The following PIP5K1A variants were observed in gnomAD, a reference collection of about 807,000 sequenced individuals.
PIP5K1A encodes the protein phosphatidylinositol 4-phosphate 5-kinase type-1 alpha.
A neutral mutation model predicts 72.9 loss-of-function variants in PIP5K1A; 46 were observed. That is an observed-to-expected ratio of 0.63 (90% CI 0.50 to 0.81). The LOEUF (loss-of-function observed/expected upper bound fraction) is 0.81. PIP5K1A is among the 30% of genes least tolerant of loss of function. The pLI is 0.00. For synonymous variants in PIP5K1A, 228 were observed against 255.1 expected (o/e 0.89, Z 1.01); for missense variants, 458 against 706.1 (o/e 0.65, Z 3.98).
At chr1:151,199,275 G>A in intron 1 of PIP5K1A, 194 bp downstream of exon 1, 2 of 1,171,740 alleles carry the variant, frequency 1.7e-6, no homozygotes, top group South Asian at 1.6e-5. Context: ...AGAAGTTGTC[G>A]AAAACTTTGG....
chr1:151,216,314 A>ACTCCAGC (rs1377817214), intron 1 of PIP5K1A, among the ~76,000 whole-genome samples: 3 of 148,188 alleles, frequency 2.0e-5, no homozygotes, highest in African/African-American at 5.0e-5. Flanking sequence ...GTGCCACTGC[A>ACTCCAGC]CTCCAGCCTG....
intron 14 of PIP5K1A, among the ~76,000 whole-genome samples, chr1:151,243,892 ACT>A (rs1692113373): frequency 6.6e-6 from 1 of 152,048 alleles, no homozygotes; most frequent in African/African-American, 2.4e-5. Flanking sequence ...CTTCTTACAG[ACT>A]CTGTTTTTCG....
chr1:151,218,229 C>G (rs1216673257), intron 1 of PIP5K1A, among the ~76,000 whole-genome samples: 1 of 152,168 alleles, frequency 6.6e-6, no homozygotes, highest in East Asian at 1.9e-4. Context: ...TTGCCTAATT[C>G]AGAACAAAGG....
At chr1:151,196,263 A>G (rs1684553509), upstream of PIP5K1A, among the ~76,000 whole-genome samples, 1 of 152,110 alleles carries the variant, frequency 6.6e-6, no homozygotes, top group Non-Finnish European at 1.5e-5. Context: ...GAAAACAAGG[A>G]TAATTTATTC....
chr1:151,215,932 A>G, intron 1 of PIP5K1A: 1 of 1,274,370 alleles, frequency 7.8e-7, no homozygotes, highest in Non-Finnish European at 1.0e-6. Context: ...CCCCAGGAGT[A>G]AGGGGTAACT....
chr1:151,202,410 A>G (rs1402531195), intron 1 of PIP5K1A, among the ~76,000 whole-genome samples: 1 of 152,194 alleles, frequency 6.6e-6, no homozygotes, highest in Non-Finnish European at 1.5e-5. Flanking sequence ...TGTTCCTGCC[A>G]ACTTCCTAAT....
intron 1 of PIP5K1A, among the ~76,000 whole-genome samples, chr1:151,205,978 A>T (rs1455480253): frequency 6.6e-6 from 1 of 152,106 alleles, no homozygotes; most frequent in African/African-American, 2.4e-5. Context: ...TGAATGAAAC[A>T]CCGATGGTGT....
At chr1:151,225,647 T>C (rs1689013294) in intron 3 of PIP5K1A, among the ~76,000 whole-genome samples, 1 of 151,880 alleles carries the variant, frequency 6.6e-6, no homozygotes, top group Admixed American at 6.6e-5. Context: ...TTTTTGTATT[T>C]TTAGTAGAGG....
rs1243289425 is a variant in PIP5K1A, at chr1:151,242,496, T to A, written c.1569T>A (p.Ser523Arg). Residue 523 changes from serine to arginine, a missense_variant, in exon 14 of 16, where the codon AGT (serine) becomes AGA (arginine). Ser to Arg is a moderately radical substitution (Grantham distance 110, BLOSUM62 -1). Transcript: ENST00000368888. Reference protein sequence around the residue: ...LPQTPPLEEISEGSPIPDPSF... With the variant: ...LPQTPPLEEIREGSPIPDPSF... ...AGACTCCACCTTTGGAGGAAATCAG[T>A]GAGGGCTCGCCTATTCCTGACCCCA... 6.2e-7 allele frequency: 1 copy of A among 1,613,410 alleles called. No homozygotes were observed. The highest frequency in any genetic ancestry group is 2.2e-5 in the East Asian group (1 of 44,898).
At chr1:151,197,617 A>G (rs587718509), upstream of PIP5K1A, among the ~76,000 whole-genome samples, 1 of 152,326 alleles carries the variant, frequency 6.6e-6, no homozygotes, top group Admixed American at 6.5e-5. Flanking sequence ...ATGGGCCATG[A>G]GTTTGAGAGG....
At chr1:151,242,878 G>A (rs1301362164) in intron 14 of PIP5K1A, among the ~76,000 whole-genome samples, 1 of 152,148 alleles carries the variant, frequency 6.6e-6, no homozygotes, top group African/African-American at 2.4e-5. Context: ...CTTGTGGGTT[G>A]CTGAACTGAG....
chr1:151,232,718 A>G lies in PIP5K1A; in HGVS notation c.639+15A>G, dbSNP rs775959533. 32 of 1,611,358 alleles carry G rather than the reference A, an allele frequency of 2.0e-5. No homozygotes were observed. The South Asian group carries it at 2.4e-4, about 12-fold the overall frequency. ...GATACTACATGGTAAGGGAGAGAGA[A>G]GCACTGTCCACCTGTGCTGCTCACT... is the stretch of plus-strand genomic sequence containing the variant. On this transcript the variant is annotated intron_variant, in intron 7 of 15. Transcript: ENST00000368888.
chr1:151,205,168 T>C (rs1162537050), intron 1 of PIP5K1A, among the ~76,000 whole-genome samples: 1 of 152,024 alleles, frequency 6.6e-6, no homozygotes, highest in Admixed American at 6.5e-5. Context: ...CCTAGAATGT[T>C]ATTTATTATT....
chr1:151,202,799 GTC>G (rs1207972509), intron 1 of PIP5K1A, among the ~76,000 whole-genome samples: 14 of 133,424 alleles, frequency 1.0e-4, no homozygotes, highest in Non-Finnish European at 1.4e-4. Context: ...TTGAGAGGGA[GTC>G]TCTCTCTGTC....
chr1:151,235,469 C>T (rs1690721329), intron 8 of PIP5K1A, among the ~76,000 whole-genome samples: 1 of 152,200 alleles, frequency 6.6e-6, no homozygotes, highest in South Asian at 2.1e-4. Context: ...GTTTATTTTA[C>T]ATTTGTATCC....
intron 14 of PIP5K1A, among the ~76,000 whole-genome samples, chr1:151,243,552 A>G (rs587662401): frequency 1.3e-5 from 2 of 152,288 alleles, no homozygotes; most frequent in South Asian, 4.1e-4. Flanking sequence ...GAAATGTTGG[A>G]GTTTCTTTTA....
intron 1 of PIP5K1A, among the ~76,000 whole-genome samples, chr1:151,206,692 A>G (rs749913710): frequency 6.6e-6 from 1 of 152,070 alleles, no homozygotes; most frequent in Non-Finnish European, 1.5e-5. Flanking sequence ...CAGCCTCCCA[A>G]GAAGCTGGGA....
At chr1:151,215,958 T>C (rs1687531130) in intron 1 of PIP5K1A, 1 of 1,301,624 alleles carries the variant, frequency 7.7e-7, no homozygotes, top group African/African-American at 1.5e-5. Context: ...TTTTTCCTCA[T>C]TAGGTTTCAA....
intron 1 of PIP5K1A, among the ~76,000 whole-genome samples, chr1:151,219,850 C>CGTTTT (rs1257084814): frequency 1.0e-5 from 1 of 97,834 alleles, no homozygotes; most frequent in African/African-American, 3.8e-5. Context: ...CATATTCTTT[C>CGTTTT]CTTTTTTTTT....
Sources: gnomAD v4.1 joint callset for allele counts (sites outside exome capture counted in the v4.1 genomes callset) on GRCh38, gnomAD v4.1.1 for gene constraint, MANE v1.5 for transcripts, NCBI Gene and HGNC (gene_info 2026-07-23, HGNC 2026-07-21) for gene names.